The following BBS12 variants were observed in gnomAD, a reference collection of about 807,000 sequenced individuals.
BBS12 encodes the protein chaperonin-containing T-complex member BBS12.
Under a neutral mutation model 5.6 loss-of-function variants are expected in BBS12, and 5 were observed. That is an observed-to-expected ratio of 0.89 (90% CI 0.46 to 1.86). The LOEUF (loss-of-function observed/expected upper bound fraction) is 1.86. BBS12 is among the 40% of genes most tolerant of loss of function. The pLI is 0.01. For synonymous variants in BBS12, 308 were observed against 306.8 expected (o/e 1.00, Z -0.04); for missense variants, 748 against 830.4 (o/e 0.90, Z 1.22).
chr4:122,731,750 A>G (rs1800699172), upstream of BBS12: 1 of 152,230 alleles, frequency 6.6e-6, no homozygotes, highest in Non-Finnish European at 1.5e-5. Context: ...ACTCCCTATT[A>G]AGAGCTTCTC....
At chr4:122,714,347 GGTATTT>G in the BBS12 span, among the ~76,000 whole-genome samples, 1 of 152,052 alleles carries the variant, frequency 6.6e-6, no homozygotes, top group Non-Finnish European at 1.5e-5. Flanking sequence ...CTCAGTCTAC[GGTATTT>G]GTATTTGTAT....
the BBS12 span, among the ~76,000 whole-genome samples, chr4:122,717,396 T>A: frequency 6.6e-6 from 1 of 151,494 alleles, no homozygotes; most frequent in Non-Finnish European, 1.5e-5. Context: ...CTATTCTTTC[T>A]TTTTTTTTAA....
At chr4:122,733,663 A>G (rs1404837161) in intron 1 of BBS12, among the ~76,000 whole-genome samples, 1 of 152,196 alleles carries the variant, frequency 6.6e-6, no homozygotes, top group African/African-American at 2.4e-5. Flanking sequence ...ACAGGGGAGA[A>G]AGACTGAGGT....
the BBS12 span, among the ~76,000 whole-genome samples, chr4:122,711,268 A>G: frequency 6.6e-6 from 1 of 152,042 alleles, no homozygotes; most frequent in African/African-American, 2.4e-5. Context: ...CAAAATGCTA[A>G]CCTGGAGGAG....
chr4:122,716,644 CGT>C, the BBS12 span, among the ~76,000 whole-genome samples: 448 of 95,188 alleles, frequency 4.7e-3, 8 homozygotes, highest in African/African-American at 0.015. Context: ...TATATACACA[CGT>C]GTGTGTATAT....
the BBS12 span, among the ~76,000 whole-genome samples, chr4:122,703,140 T>G: frequency 6.6e-6 from 1 of 150,864 alleles, no homozygotes; most frequent in Non-Finnish European, 1.5e-5. Context: ...CTTCCTTGTT[T>G]GCTGTTTCCA....
rs779858752 is a variant in BBS12 at position 122,743,588 on chromosome 4, T to C, written c.1696T>C (p.Ser566Pro). The change falls in exon 2 of 2, where the codon TCA becomes CCA. Residue 566 changes from serine (S) to proline (P), a missense_variant. Coordinates refer to ENST00000314218, the MANE Select transcript of BBS12 (RefSeq NM_152618.3). ...QSLKKENHAC[S>P]GWLHNTSSWL... ...TCTGAAAAAAGAAAACCATGCCTGCTCAGGGTGGCTGCATAATACTTCCTC... is the reference window on the plus strand; with the variant it reads ...TCTGAAAAAAGAAAACCATGCCTGCCCAGGGTGGCTGCATAATACTTCCTC... The C allele has an allele frequency of 1.5e-5, 24 of 1,614,114 alleles. No individual in the cohort carries two copies. In the African/African-American group the frequency reaches 2.9e-4, roughly 20 times the overall value.
At chr4:122,716,040 G>A in the BBS12 span, among the ~76,000 whole-genome samples, 1 of 152,174 alleles carries the variant, frequency 6.6e-6, no homozygotes, top group Non-Finnish European at 1.5e-5. Context: ...GAGGCTATAT[G>A]TGGCTCTACA....
chr4:122,727,893 T>G (rs1293325922), upstream of BBS12, among the ~76,000 whole-genome samples: 2 of 151,956 alleles, frequency 1.3e-5, no homozygotes, highest in East Asian at 3.9e-4. Context: ...AAGGACTTTG[T>G]TAGACAATAC....
chr4:122,707,054 C>CTCTCTCTT, the BBS12 span, among the ~76,000 whole-genome samples: 3 of 72,250 alleles, frequency 4.2e-5, no homozygotes, highest in East Asian at 1.4e-3. Context: ...CTCTCTCTCT[C>CTCTCTCTT]TTTTTTTTTT....
At chr4:122,703,603 G>A in the BBS12 span, among the ~76,000 whole-genome samples, 1 of 152,158 alleles carries the variant, frequency 6.6e-6, no homozygotes, top group Non-Finnish European at 1.5e-5. Flanking sequence ...AAGCTGGTGA[G>A]AAGGTGCACA....
At chr4:122,739,086 A>G (rs2150734271) in intron 1 of BBS12, among the ~76,000 whole-genome samples, 1 of 152,338 alleles carries the variant, frequency 6.6e-6, no homozygotes, top group Non-Finnish European at 1.5e-5. Context: ...GAAGCCAAGG[A>G]CCACTAGGAG....
In BBS12 at chr4:122,744,078, A is replaced by C; in HGVS notation, c.*53A>C. ...ATTTTTCATAATATGTCATGCTAATAATAAATATATTGATAGCCAAGTCAT... is the reference window on the plus strand; with the variant it reads ...ATTTTTCATAATATGTCATGCTAATCATAAATATATTGATAGCCAAGTCAT... On this transcript the variant is annotated 3_prime_UTR_variant, in exon 2 of 2. Transcript: ENST00000314218. The C allele has an allele frequency of 6.5e-7, 1 of 1,548,902 alleles. No individual in the cohort carries two copies. Among genetic ancestry groups the C allele is most frequent in the South Asian group, 1.1e-5 (1 of 88,322 alleles).
At chr4:122,717,212 T>A in the BBS12 span, among the ~76,000 whole-genome samples, 1 of 152,198 alleles carries the variant, frequency 6.6e-6, no homozygotes, top group African/African-American at 2.4e-5. Context: ...AAATGAGCCA[T>A]GACCAAGAAA....
chr4:122,721,428 A>G, the BBS12 span, among the ~76,000 whole-genome samples: 1 of 152,244 alleles, frequency 6.6e-6, no homozygotes, highest in Non-Finnish European at 1.5e-5. Context: ...ATTAAATGTT[A>G]ACCGTAATAA....
chr4:122,703,288 G>T, the BBS12 span, among the ~76,000 whole-genome samples: 3 of 151,096 alleles, frequency 2.0e-5, no homozygotes, highest in Non-Finnish European at 4.4e-5. Context: ...TTGTCTTCAT[G>T]GACTTGGATT....
the BBS12 span, among the ~76,000 whole-genome samples, chr4:122,707,946 TTC>T: frequency 1.4e-5 from 1 of 69,558 alleles, no homozygotes; most frequent in Non-Finnish European, 2.8e-5. Context: ...CTCCTTTCCC[TTC>T]CTTCCTTCCT....
At chr4:122,723,129 A>C in the BBS12 span, among the ~76,000 whole-genome samples, 1 of 152,154 alleles carries the variant, frequency 6.6e-6, no homozygotes, top group African/African-American at 2.4e-5. Flanking sequence ...CCATTAATCA[A>C]ATTTCAAATG....
Position 122,742,280 on chromosome 4 carries a change from C to G in BBS12, c.388C>G (p.Leu130Val). The change falls in exon 2 of 2, where the codon CTT (leucine) becomes GTT (valine). Residue 130 changes from leucine to valine, a missense_variant. By Grantham distance (32) the Leu-to-Val change is conservative. Transcript: ENST00000314218. ...CTTTTGTAGTGAAGAGGTAGTTTCTCTTCATGTACCTGTTCACAATATATT... is the reference window on the plus strand; with the variant it reads ...CTTTTGTAGTGAAGAGGTAGTTTCTGTTCATGTACCTGTTCACAATATATT... Reference protein sequence around the residue: ...LNFCSEEVVSLHVPVHNIFDC... With the variant: ...LNFCSEEVVSVHVPVHNIFDC... 1 of 1,613,806 alleles carries G rather than the reference C, an allele frequency of 6.2e-7. No homozygotes were observed. Among genetic ancestry groups the G allele is most frequent in the Non-Finnish European group, 8.5e-7 (1 of 1,179,916 alleles).
Sources: allele counts gnomAD v4.1 joint callset (sites outside exome capture counted in the v4.1 genomes callset), GRCh38; gene constraint gnomAD v4.1.1; transcripts MANE v1.5; gene names NCBI Gene and HGNC (gene_info 2026-07-23, HGNC 2026-07-21).